The following HSD17B12 variants were observed in gnomAD, a reference collection of about 807,000 sequenced individuals.
HSD17B12 encodes hydroxysteroid 17-beta dehydrogenase 12.
HSD17B12 carries 32 observed loss-of-function variants against 39.3 expected under a neutral mutation model. The ratio of observed to expected loss-of-function variants is 0.81; its 90% CI spans 0.61 to 1.09. The LOEUF (loss-of-function observed/expected upper bound fraction) is 1.09, where lower values mean the gene tolerates loss of function less well. Ranked by LOEUF, HSD17B12 falls within the 50% of genes least tolerant of loss-of-function variation. The probability of loss-of-function intolerance (pLI) is 0.00; values close to 1 mark genes in which losing one functional copy is unlikely to be tolerated. For synonymous variants in HSD17B12, 150 were observed against 146.7 expected, an observed-to-expected ratio of 1.02 and a Z score of -0.16; for missense variants, 342 against 382.9, an observed-to-expected ratio of 0.89 and a Z score of 0.89.
the HSD17B12 span, among the ~76,000 whole-genome samples, chr11:43,656,392 C>T: frequency 6.6e-6 from 1 of 152,040 alleles, no homozygotes; most frequent in Non-Finnish European, 1.5e-5. Flanking sequence ...TTTTGTGTCT[C>T]TATTTCCTTC....
upstream of HSD17B12, chr11:43,680,695 CG>C: frequency 1.3e-6 from 1 of 789,174 alleles, no homozygotes; most frequent in Non-Finnish European, 2.2e-6. Flanking sequence ...GCCCCGCGGG[CG>C]GGGTTTAGGC....
the HSD17B12 span, among the ~76,000 whole-genome samples, chr11:43,558,965 T>C: frequency 1.3e-5 from 2 of 152,046 alleles, no homozygotes; most frequent in Non-Finnish European, 2.9e-5. Context: ...TTAAGCCTGC[T>C]GTTGGTATGA....
the HSD17B12 span, among the ~76,000 whole-genome samples, chr11:43,600,439 C>A: frequency 1.3e-5 from 2 of 151,798 alleles, no homozygotes; most frequent in Non-Finnish European, 2.9e-5. Flanking sequence ...AGTTATTTAT[C>A]CATTGTATTC....
At chr11:43,827,332 A>G (rs1427149152) in intron 6 of HSD17B12, among the ~76,000 whole-genome samples, 1 of 152,192 alleles carries the variant, frequency 6.6e-6, no homozygotes, top group Non-Finnish European at 1.5e-5. Flanking sequence ...CTCTCTAAAA[A>G]ATGACCAAAT....
chr11:43,686,791 GTTA>G (rs972535133), intron 1 of HSD17B12, among the ~76,000 whole-genome samples: 1 of 152,092 alleles, frequency 6.6e-6, no homozygotes, highest in Non-Finnish European at 1.5e-5. Context: ...TTGATAACTT[GTTA>G]TTATTATAGT....
the HSD17B12 span, among the ~76,000 whole-genome samples, chr11:43,572,241 G>A: frequency 6.6e-6 from 1 of 152,130 alleles, no homozygotes; most frequent in Admixed American, 6.5e-5. Flanking sequence ...CTTGAGTTTT[G>A]GATGAGGCTA....
the HSD17B12 span, among the ~76,000 whole-genome samples, chr11:43,589,008 T>A: frequency 2.2e-5 from 3 of 133,438 alleles, no homozygotes; most frequent in Admixed American, 7.3e-5. Context: ...TATTATTATT[T>A]TGATGGGGAG....
intron 1 of HSD17B12, among the ~76,000 whole-genome samples, chr11:43,742,139 A>ATATTT (rs61178234): frequency 4.9e-5 from 6 of 123,490 alleles, no homozygotes; most frequent in South Asian, 2.7e-4. Flanking sequence ...ATATATATAT[A>ATATTT]TTTTTTTTTT....
At chr11:43,689,024 C>G (rs757315467) in intron 1 of HSD17B12, among the ~76,000 whole-genome samples, 25 of 152,152 alleles carry the variant, frequency 1.6e-4, no homozygotes, top group Admixed American at 4.6e-4. Context: ...CAGGTATACA[C>G]TTGAAAATCT....
chr11:43,832,267 T>C (rs1951318748), intron 7 of HSD17B12, among the ~76,000 whole-genome samples: 1 of 152,144 alleles, frequency 6.6e-6, no homozygotes, highest in South Asian at 2.1e-4. Context: ...ATCACCTTAA[T>C]CCTAGTTTTG....
intron 1 of HSD17B12, among the ~76,000 whole-genome samples, chr11:43,699,266 T>A (rs992808126): frequency 6.6e-6 from 1 of 152,166 alleles, no homozygotes; most frequent in Non-Finnish European, 1.5e-5. Flanking sequence ...ACTGTTCCCA[T>A]CTCATGCTAA....
chr11:43,600,494 G>A, the HSD17B12 span, among the ~76,000 whole-genome samples: 2 of 152,086 alleles, frequency 1.3e-5, 1 homozygote, highest in African/African-American at 4.8e-5. Flanking sequence ...TGTGGAAAAG[G>A]CTGTCAGCGT....
At chr11:43,632,091 G>A in the HSD17B12 span, among the ~76,000 whole-genome samples, 9 of 152,130 alleles carry the variant, frequency 5.9e-5, no homozygotes, top group Non-Finnish European at 1.3e-4. Flanking sequence ...TAATCTCTTC[G>A]TTTGGGTCGT....
At chr11:43,835,154 A>G (rs1247498053) in intron 7 of HSD17B12, among the ~76,000 whole-genome samples, 1 of 152,194 alleles carries the variant, frequency 6.6e-6, no homozygotes, top group Admixed American at 6.5e-5. Context: ...CCAGAAAATG[A>G]GAGATTAACC....
chr11:43,715,630 C>T (rs1316129675), intron 1 of HSD17B12, among the ~76,000 whole-genome samples: 2 of 152,072 alleles, frequency 1.3e-5, no homozygotes, highest in Non-Finnish European at 2.9e-5. Context: ...CAGGATGATG[C>T]TGGCCTCATA....
the HSD17B12 span, chr11:43,556,984 T>G: frequency 1.1e-4 from 16 of 152,016 alleles, no homozygotes; most frequent in African/African-American, 3.6e-4. Context: ...ATGCACTGTC[T>G]TGTGTTTGGC....
At chr11:43,617,095 T>C in the HSD17B12 span, among the ~76,000 whole-genome samples, 1 of 152,186 alleles carries the variant, frequency 6.6e-6, no homozygotes, top group East Asian at 1.9e-4. Flanking sequence ...GACACTCTAT[T>C]GGTCCACCGA....
the HSD17B12 span, among the ~76,000 whole-genome samples, chr11:43,583,406 G>T: frequency 6.6e-6 from 1 of 152,220 alleles, no homozygotes; most frequent in South Asian, 2.1e-4. Context: ...TCCTGCTGCT[G>T]CAGCTGCTGC....
At chr11:43,776,485 A>T (rs1325207818) in intron 3 of HSD17B12, among the ~76,000 whole-genome samples, 3 of 151,952 alleles carry the variant, frequency 2.0e-5, no homozygotes, top group East Asian at 3.9e-4. Flanking sequence ...GTTTGAGTTC[A>T]TTGTAGATTC....
Sources: allele counts gnomAD v4.1 joint callset (sites outside exome capture counted in the v4.1 genomes callset), GRCh38; gene constraint gnomAD v4.1.1; transcripts MANE v1.5; gene names NCBI Gene and HGNC (gene_info 2026-07-23, HGNC 2026-07-21).